Variants in DNAJC11 observed in about 807,000 individuals in gnomAD.
The protein encoded by DNAJC11 is DnaJ heat shock protein family (Hsp40) member C11, also known as dnaJ homolog subfamily C member 11.
A neutral mutation model predicts 78.6 loss-of-function variants in DNAJC11; 15 were observed. That is an observed-to-expected ratio of 0.19 (90% confidence interval 0.13 to 0.29). DNAJC11 has a LOEUF of 0.29. Among genes scored for constraint, DNAJC11 ranks in the 10% least tolerant of loss-of-function variants. DNAJC11 has a pLI of 1.00. For missense variants in DNAJC11, 547 were observed against 709.6 expected, an observed-to-expected ratio of 0.77 and a Z score of 2.60; for synonymous variants, 292 against 272.1, an observed-to-expected ratio of 1.07 and a Z score of -0.72.
chr1:6,666,820 A>G (rs1570290585), intron 4 of DNAJC11, among the ~76,000 whole-genome samples: 1 of 152,238 alleles, frequency 6.6e-6, no homozygotes. Context: ...GAAGAGGCTG[A>G]TGGAAGACCG....
rs1397909950 is a variant in DNAJC11 at position 6,637,784 on chromosome 1, C to T, written c.1324-280G>A. ...GCTCCCTTTCTAGGGATCATTAATGCGTGGGTGGGATTTGTTGACCCAATA... is the reference window on the plus strand; with the variant it reads ...GCTCCCTTTCTAGGGATCATTAATGTGTGGGTGGGATTTGTTGACCCAATA... On this transcript the variant is annotated intron_variant, in intron 12 of 15. Transcript: ENST00000377577. The T allele has an allele frequency of 3.0e-5, 16 of 537,178 alleles. 1 individual carries two copies. The highest frequency in any genetic ancestry group is 3.0e-5 in the Non-Finnish European group (9 of 300,670). The allele number at this position is 537,178 out of a possible 1,614,324, so 33.3% of individuals were successfully genotyped here. A position where few individuals can be genotyped will look rare whatever the true frequency, so the allele number is the denominator to read the frequency against.
rs141670351 is a variant in DNAJC11 at position 6,635,430 on chromosome 1, C to G, written c.*245G>C. The G allele has an allele frequency of 7.0e-5, 35 of 497,752 alleles. No homozygotes were observed. The highest frequency in any genetic ancestry group is 1.2e-4 in the Non-Finnish European group (34 of 278,884). The allele number at this position is 497,752 out of a possible 1,614,324, so 30.8% of individuals were successfully genotyped here. Reference sequence around the variant, plus strand: ...AGAGCCCTTCCCTCCAGGAACTGATCCTTGGGAAAACAGCCATGGGCCAGG... The same window carrying G: ...AGAGCCCTTCCCTCCAGGAACTGATGCTTGGGAAAACAGCCATGGGCCAGG... On this transcript the variant is annotated 3_prime_UTR_variant, in exon 16 of 16. Transcript: ENST00000377577.
intron 10 of DNAJC11, among the ~76,000 whole-genome samples, chr1:6,644,340 G>A (rs566401632): frequency 6.6e-6 from 1 of 152,300 alleles, no homozygotes; most frequent in South Asian, 2.1e-4. Context: ...CACCACGTTG[G>A]CCAGGCTGGT....
At chr1:6,694,063 T>C (rs1223707903) in intron 1 of DNAJC11, among the ~76,000 whole-genome samples, 1 of 151,856 alleles carries the variant, frequency 6.6e-6, no homozygotes, top group Admixed American at 6.6e-5. Context: ...CTTGAACTCC[T>C]GACCTCAAGT....
chr1:6,651,833 A>G (rs542145371), intron 6 of DNAJC11, among the ~76,000 whole-genome samples: 2 of 152,298 alleles, frequency 1.3e-5, no homozygotes, highest in African/African-American at 4.8e-5. Flanking sequence ...CACATGTTTC[A>G]TTGGTGTCCC....
In DNAJC11 at chr1:6,639,971, C is replaced by G; in HGVS notation, c.1184G>C (p.Gly395Ala). The change falls in exon 11 of 16, where the codon GGG (glycine) becomes GCG (alanine). Residue 395 changes from glycine to alanine, a missense_variant. Coordinates refer to ENST00000377577, the MANE Select transcript of DNAJC11 (RefSeq NM_018198.4). ...CATGGCAAAGTAGACCACTAGAGGC[C>G]CCACGGTGGCATAGAACATGGCGCT... ...LPSAMFYATV[G>A]PLVVYFAMHR... The G allele has an allele frequency of 6.2e-7, 1 of 1,613,618 alleles. No individual in the cohort carries two copies. Among genetic ancestry groups the G allele is most frequent in the Non-Finnish European group, 8.5e-7 (1 of 1,179,956 alleles).
intron 11 of DNAJC11, among the ~76,000 whole-genome samples, chr1:6,639,545 T>C (rs1327584510): frequency 6.6e-6 from 1 of 151,976 alleles, no homozygotes; most frequent in Non-Finnish European, 1.5e-5. Context: ...TTGGCCAGAC[T>C]GGTCCTGAAC....
At chr1:6,657,282 C>T (rs542781328) in intron 4 of DNAJC11, among the ~76,000 whole-genome samples, 16 of 152,296 alleles carry the variant, frequency 1.1e-4, no homozygotes, top group African/African-American at 3.8e-4. Flanking sequence ...GTCCAACTAC[C>T]CAGAGACTGC....
chr1:6,683,772 C>T (rs897173993), intron 1 of DNAJC11, among the ~76,000 whole-genome samples: 1 of 152,196 alleles, frequency 6.6e-6, no homozygotes. Flanking sequence ...ATTCATTGTG[C>T]TGTATACTCA....
At chr1:6,692,356 C>G (rs1642759608) in intron 1 of DNAJC11, among the ~76,000 whole-genome samples, 1 of 151,836 alleles carries the variant, frequency 6.6e-6, no homozygotes, top group Non-Finnish European at 1.5e-5. Context: ...ACTTCCCGGG[C>G]ACCCTCTTGG....
chr1:6,636,056 A>G lies in DNAJC11; in HGVS notation c.1654+61T>C, dbSNP rs1486426963. The G allele has an allele frequency of 1.9e-6, 3 of 1,558,728 alleles. No homozygotes were observed. In the Admixed American group the frequency reaches 5.6e-5, roughly 29 times the overall value. ...AAGGTGGCTGGCAGCCCACACACTG[A>G]GCAGCCGCTTCGAGGTCCCCGCCCC... On this transcript the variant is annotated intron_variant, in intron 15 of 15. Coordinates refer to ENST00000377577, the MANE Select transcript of DNAJC11 (RefSeq NM_018198.4).
chr1:6,701,796 G>A lies in DNAJC11; in HGVS notation c.5C>T (p.Ala2Val). Residue 2 changes from alanine (A) to valine (V), a missense_variant, in exon 1 of 16, where the codon GCG (alanine) becomes GTG (valine). Ala to Val is a moderately conservative substitution (Grantham distance 64). Coordinates refer to ENST00000377577, the MANE Select transcript of DNAJC11 (RefSeq NM_018198.4). Reference sequence around the variant, plus strand: ...CAGCTCCTCCTCGCTCAAGGCCGTCGCCATCTTCGCAACCTTTCACCCCGC... The same window carrying A: ...CAGCTCCTCCTCGCTCAAGGCCGTCACCATCTTCGCAACCTTTCACCCCGC... The part of the protein sequence containing the change: M[A>V]TALSEEELDN... 1 of 1,559,460 alleles carries A rather than the reference G, an allele frequency of 6.4e-7. No homozygotes were observed. Among genetic ancestry groups the A allele is most frequent in the Non-Finnish European group, 8.7e-7 (1 of 1,155,494 alleles).
rs1048364371 is a variant in DNAJC11, at chr1:6,641,895, C to T, written c.1098-1838G>A. Among the ~76,000 whole-genome samples, 3 of 152,090 alleles carry T rather than the reference C, an allele frequency of 2.0e-5. No individual in the cohort carries two copies. The East Asian group carries it at 5.8e-4, about 29-fold the overall frequency. On this transcript the variant is annotated intron_variant, in intron 10 of 15. Transcript: ENST00000377577. ...GTCTGATGAGGAGTGCAGGAGATGG[C>T]CCTTCAGATGGAGACTGGCTCGTTG...
intron 4 of DNAJC11, among the ~76,000 whole-genome samples, chr1:6,655,282 T>C (rs955263222): frequency 6.6e-6 from 1 of 152,186 alleles, no homozygotes; most frequent in Non-Finnish European, 1.5e-5. Flanking sequence ...GGAGGCAGTA[T>C]AGTGTTATGG....
At chr1:6,639,237 G>A (rs969947000) in intron 11 of DNAJC11, among the ~76,000 whole-genome samples, 1 of 151,904 alleles carries the variant, frequency 6.6e-6, no homozygotes, top group Non-Finnish European at 1.5e-5. Context: ...CCTCACATAC[G>A]GATCCAGAAC....
intron 1 of DNAJC11, among the ~76,000 whole-genome samples, chr1:6,696,267 T>C (rs1049655630): frequency 8.5e-5 from 13 of 152,254 alleles, no homozygotes; most frequent in African/African-American, 3.1e-4. Context: ...CAAAATTAAC[T>C]GCCCATCATG....
chr1:6,670,539 A>G (rs1221168998), intron 3 of DNAJC11: 1 of 152,234 alleles, frequency 6.6e-6, no homozygotes, highest in Non-Finnish European at 1.5e-5. Flanking sequence ...GAACTCGTCC[A>G]CTACTTTAAA....
intron 1 of DNAJC11, among the ~76,000 whole-genome samples, chr1:6,696,667 G>A (rs1195509091): frequency 1.3e-5 from 2 of 152,198 alleles, no homozygotes; most frequent in Non-Finnish European, 2.9e-5. Context: ...TTACTGGTAG[G>A]TGATACTTTT....
At chr1:6,684,079 T>G (rs1570308656) in intron 1 of DNAJC11, among the ~76,000 whole-genome samples, 1 of 151,884 alleles carries the variant, frequency 6.6e-6, no homozygotes, top group Non-Finnish European at 1.5e-5. Flanking sequence ...TTACAAATCA[T>G]TTTCTTTTTT....
Sources: gnomAD v4.1 joint callset for allele counts (sites outside exome capture counted in the v4.1 genomes callset) on GRCh38, gnomAD v4.1.1 for gene constraint, MANE v1.5 for transcripts, NCBI Gene and HGNC (gene_info 2026-07-23, HGNC 2026-07-21) for gene names.